CDC5L: variants seen among roughly 807,000 people sequenced by gnomAD.
CDC5L encodes cell division cycle 5-like protein.
Under a neutral mutation model 104.1 loss-of-function variants are expected in CDC5L, and 18 were observed. The ratio of observed to expected loss-of-function variants is 0.17; its 90% CI spans 0.12 to 0.26. The LOEUF (loss-of-function observed/expected upper bound fraction) is 0.26, where lower values mean the gene tolerates loss of function less well. Among genes scored for constraint, CDC5L ranks in the 10% least tolerant of loss-of-function variants. CDC5L has a pLI of 1.00. For missense variants in CDC5L, 673 were observed against 956.9 expected (o/e 0.70, Z 3.91); for synonymous variants, 331 against 322.7 (o/e 1.03, Z -0.28).
Position 44,426,613 on chromosome 6 carries a change from A to G in CDC5L, c.1782A>G (p.Pro594=), listed in dbSNP as rs901152027. 3.1e-6 allele frequency: 5 copies of G among 1,613,536 alleles called. No individual in the cohort carries two copies. Among genetic ancestry groups the G allele is most frequent in the African/African-American group, 2.7e-5 (2 of 74,924 alleles). Residue 594 remains proline, a synonymous_variant, in exon 13 of 16, where the codon CCA becomes CCG. Coordinates refer to ENST00000371477, the MANE Select transcript of CDC5L (RefSeq NM_001253.4). ...ACCTTCTACATCACCCTTATGAACC[A>G]TCTGGAAATAAAAAAGGCAAAACTG... ...HYDLLHHPYE[P]SGNKKGKTVG...
chr6:44,430,393 A>T (rs959689341), intron 14 of CDC5L, among the ~76,000 whole-genome samples: 1 of 150,102 alleles, frequency 6.7e-6, no homozygotes, highest in African/African-American at 2.5e-5. Flanking sequence ...GAGCTGGATT[A>T]TCTAGTTAGT....
chr6:44,426,543 G>T lies in CDC5L; in HGVS notation c.1712G>T (p.Ser571Ile). 6.2e-7 allele frequency: 1 copy of T among 1,604,868 alleles called. No homozygotes were observed. The highest frequency in any genetic ancestry group is 8.5e-7 in the Non-Finnish European group (1 of 1,171,996). Residue 571 changes from serine to isoleucine, a missense_variant, in exon 13 of 16, where the codon AGT (serine) becomes ATT (isoleucine). Coordinates refer to ENST00000371477, the MANE Select transcript of CDC5L (RefSeq NM_001253.4). ...VEPPLTDLQK[S>I]EELIKKEMIT... ...CCGCCTTTAACAGATTTACAGAAAAGTGAAGAACTAATCAAAAAAGAAATG... is the reference window on the plus strand; with the variant it reads ...CCGCCTTTAACAGATTTACAGAAAATTGAAGAACTAATCAAAAAAGAAATG...
At chr6:44,418,033 T>C (rs1330957992) in intron 8 of CDC5L, among the ~76,000 whole-genome samples, 1 of 152,224 alleles carries the variant, frequency 6.6e-6, no homozygotes, top group African/African-American at 2.4e-5. Context: ...TTAGGGTACA[T>C]GTGCACAATG....
intron 14 of CDC5L, among the ~76,000 whole-genome samples, chr6:44,441,845 T>A (rs1793203854): frequency 6.6e-6 from 1 of 152,090 alleles, no homozygotes; most frequent in Admixed American, 6.5e-5. Context: ...TTTTTTTGTT[T>A]GTTTGTATAT....
rs1464946541 is a variant in CDC5L at position 44,414,246 on chromosome 6, A to AT, written c.1093-5197dup. Among the ~76,000 whole-genome samples the AT allele has an allele frequency of 2.6e-5, 4 of 151,404 alleles. No homozygotes were observed. The East Asian group carries it at 7.8e-4, about 30-fold the overall frequency. ...AGGTGTGCACCACTGTGCCTGGCTAATTTTTTATTTTTGTAGAGATGGGAT... is the reference window on the plus strand; with the variant it reads ...AGGTGTGCACCACTGTGCCTGGCTAATTTTTTTATTTTTGTAGAGATGGGAT... On this transcript the variant is annotated intron_variant, in intron 8 of 15. Coordinates refer to ENST00000371477, the MANE Select transcript of CDC5L (RefSeq NM_001253.4).
At position 44,390,293 on chromosome 6, in the gene CDC5L, T is replaced by A; in HGVS notation, c.71T>A (p.Met24Lys). 6.2e-7 allele frequency: 1 copy of A among 1,613,274 alleles called. No individual in the cohort carries two copies. The highest frequency in any genetic ancestry group is 8.5e-7 in the Non-Finnish European group (1 of 1,179,440). The change falls in exon 2 of 16, where the codon ATG becomes AAG. Residue 24 changes from methionine (M) to lysine (K), a missense_variant. Met to Lys is a moderately conservative substitution (Grantham distance 95). Coordinates refer to ENST00000371477, the MANE Select transcript of CDC5L (RefSeq NM_001253.4). ...GATGAAATTCTGAAAGCAGCGGTAATGAAATATGGGAAAAATCAGTGGTCT... is the reference window on the plus strand; with the variant it reads ...GATGAAATTCTGAAAGCAGCGGTAAAGAAATATGGGAAAAATCAGTGGTCT... ...TEDEILKAAV[M>K]KYGKNQWSRI...
In CDC5L at chr6:44,413,051, G is replaced by A. The variant is rs377034137; in HGVS notation, c.1092+4419G>A. ...CCCGCCTCGGCCTCCCAAAGTGCTG[G>A]GATTACAGGCGTGAGCCACCGCGCC... is the stretch of plus-strand genomic sequence containing the variant. On this transcript the variant is annotated intron_variant, in intron 8 of 15. Coordinates refer to ENST00000371477, the MANE Select transcript of CDC5L (RefSeq NM_001253.4). 4.6e-5 allele frequency among the ~76,000 whole-genome samples: 7 copies of A among 151,956 alleles called. No individual in the cohort carries two copies. The East Asian group carries it at 1.2e-3, about 25-fold the overall frequency.
chr6:44,426,138 A>G lies in CDC5L; in HGVS notation c.1605A>G (p.Lys535=), dbSNP rs1444207582. 1.2e-6 allele frequency: 2 copies of G among 1,609,706 alleles called. No individual in the cohort carries two copies. Among genetic ancestry groups the G allele is most frequent in the Middle Eastern group, 1.7e-4 (1 of 6,050 alleles). ...ATGCAGAGCGTGTAAAGGAAATGAA[A>G]CGAATGCATAAAGCTGTCCAGAAAG... ...IRDAERVKEM[K]RMHKAVQKDL... is the part of the protein sequence containing the mutation. Residue 535 remains lysine, a synonymous_variant, in exon 12 of 16, where the codon AAA becomes AAG. Coordinates refer to ENST00000371477, the MANE Select transcript of CDC5L (RefSeq NM_001253.4).
intron 14 of CDC5L, among the ~76,000 whole-genome samples, chr6:44,440,881 T>C (rs564660737): frequency 2.0e-5 from 3 of 152,174 alleles, no homozygotes; most frequent in Admixed American, 2.0e-4. Context: ...CTAATTTTTG[T>C]ATTTTTAATA....
At chr6:44,431,021 A>G (rs1281115932) in intron 14 of CDC5L, among the ~76,000 whole-genome samples, 2 of 152,208 alleles carry the variant, frequency 1.3e-5, no homozygotes, top group Non-Finnish European at 2.9e-5. Context: ...CAAAAAGTGC[A>G]TTTGAAAATA....
In CDC5L at chr6:44,408,000, A is replaced by G. The variant is rs777394500; in HGVS notation, c.904-444A>G. On this transcript the variant is annotated intron_variant, in intron 7 of 15. Coordinates refer to ENST00000371477, the MANE Select transcript of CDC5L (RefSeq NM_001253.4). Reference sequence around the variant, plus strand: ...CCTCCAATTTTGTATAAATACTGCTATTTTACATTCTTGGTACGTTAATAT... The same window carrying G: ...CCTCCAATTTTGTATAAATACTGCTGTTTTACATTCTTGGTACGTTAATAT... Among the ~76,000 whole-genome samples, 5 of 152,154 alleles carry G rather than the reference A, an allele frequency of 3.3e-5. No homozygotes were observed. In the East Asian group the frequency reaches 9.7e-4, roughly 29 times the overall value.
At chr6:44,406,795 C>T (rs780297209) in intron 7 of CDC5L, among the ~76,000 whole-genome samples, 4 of 152,246 alleles carry the variant, frequency 2.6e-5, no homozygotes, top group East Asian at 1.9e-4. Flanking sequence ...CACCTGTAAT[C>T]GCAGCTACTT....
At chr6:44,388,242 C>T (rs1441859301) in intron 1 of CDC5L, among the ~76,000 whole-genome samples, 1 of 150,238 alleles carries the variant, frequency 6.7e-6, no homozygotes, top group East Asian at 2.0e-4. Flanking sequence ...AGTCCAGGCA[C>T]CACGACTCTG....
Position 44,408,606 on chromosome 6 carries a change from C to A in CDC5L, c.1066C>A (p.Pro356Thr). ...NSVALRTPRT[P>T]ASQDRILQEA... ...CGTTGCTCTTAGAACACCACGAACA[C>A]CAGCTTCCCAGGACAGAATTCTGCA... The change falls in exon 8 of 16, where the codon CCA becomes ACA. Residue 356 changes from proline (P) to threonine (T), a missense_variant. This residue lies in a region of CDC5L where 578 missense variants were observed against 737.0 expected (regional missense o/e 0.78). Transcript: ENST00000371477. 1.9e-6 allele frequency: 3 copies of A among 1,606,704 alleles called. No homozygotes were observed. Among genetic ancestry groups the A allele is most frequent in the Non-Finnish European group, 2.6e-6 (3 of 1,174,868 alleles).
At chr6:44,422,899 C>T (rs1348270629) in intron 10 of CDC5L, 90 bp downstream of exon 10, 1 of 734,122 alleles carries the variant, frequency 1.4e-6, no homozygotes, top group African/African-American at 1.8e-5. Context: ...GTGCATATCA[C>T]ATATACCTTA....
intron 7 of CDC5L, among the ~76,000 whole-genome samples, chr6:44,406,970 T>TA (rs1791397945): frequency 6.6e-6 from 1 of 152,116 alleles, no homozygotes. Context: ...AATTGTGATA[T>TA]AGTATGATAA....
In CDC5L at chr6:44,408,591, A is replaced by C; in HGVS notation, c.1051A>C (p.Arg351=). The change falls in exon 8 of 16, where the codon AGA becomes CGA. Residue 351 remains arginine (R), a synonymous_variant. Transcript: ENST00000371477. ...TGTCACCAACAACAGCGTTGCTCTT[A>C]GAACACCACGAACACCAGCTTCCCA... is the stretch of plus-strand genomic sequence containing the variant. ...YNVTNNSVAL[R]TPRTPASQDR... 1 of 1,611,168 alleles carries C rather than the reference A, an allele frequency of 6.2e-7. No individual in the cohort carries two copies. Among genetic ancestry groups the C allele is most frequent in the Non-Finnish European group, 8.5e-7 (1 of 1,177,894 alleles).
At chr6:44,411,890 A>C (rs997046339) in intron 8 of CDC5L, among the ~76,000 whole-genome samples, 2 of 152,128 alleles carry the variant, frequency 1.3e-5, no homozygotes, top group Non-Finnish European at 2.9e-5. Flanking sequence ...ACAAGTAAGG[A>C]ATGTGTTTCA....
chr6:44,396,791 G>A (rs547400764), intron 5 of CDC5L, among the ~76,000 whole-genome samples: 3 of 152,106 alleles, frequency 2.0e-5, no homozygotes, highest in Non-Finnish European at 2.9e-5. Flanking sequence ...AGGACTCACA[G>A]AACTCAGGGA....
Sources: allele counts gnomAD v4.1 joint callset (sites outside exome capture counted in the v4.1 genomes callset), GRCh38; gene constraint gnomAD v4.1.1; regional missense constraint gnomAD v4.1.1; transcripts MANE v1.5; gene names NCBI Gene and HGNC (gene_info 2026-07-23, HGNC 2026-07-21).